SPECC1L: variants seen among roughly 807,000 people sequenced by gnomAD.
The protein encoded by SPECC1L is sperm antigen with calponin homology and coiled-coil domains 1 like, also known as cytospin-A.
In SPECC1L, 40 loss-of-function variants were observed where a neutral mutation model predicts 116.8. That is an observed-to-expected ratio of 0.34 (90% CI 0.27 to 0.45). SPECC1L has a LOEUF of 0.45. Among genes scored for constraint, SPECC1L ranks in the 20% least tolerant of loss-of-function variants. The pLI is 1.00. For missense variants in SPECC1L, 1,110 were observed against 1,373.6 expected (o/e 0.81, Z 3.03); for synonymous variants, 504 against 500.6 (o/e 1.01, Z -0.09).
chr22:24,285,686 C>T (rs1041693686), intron 2 of SPECC1L, among the ~76,000 whole-genome samples: 9 of 152,152 alleles, frequency 5.9e-5, no homozygotes, highest in South Asian at 4.2e-4. Context: ...CTCTGTCGCC[C>T]AGGCTGGAGT....
intron 6 of SPECC1L, among the ~76,000 whole-genome samples, chr22:24,326,749 A>G (rs2146495091): frequency 6.6e-6 from 1 of 152,222 alleles, no homozygotes; most frequent in African/African-American, 2.4e-5. Context: ...TAAATTTTGA[A>G]CCTTTTTATT....
In SPECC1L at chr22:24,322,426, T is replaced by C; in HGVS notation, c.1446T>C (p.Asp482=). 6.2e-7 allele frequency: 1 copy of C among 1,614,178 alleles called. No individual in the cohort carries two copies. Among genetic ancestry groups the C allele is most frequent in the East Asian group, 2.2e-5 (1 of 44,884 alleles). The change falls in exon 5 of 17, where the codon GAT becomes GAC. Residue 482 remains aspartate, a synonymous_variant. Transcript: ENST00000314328. ...EHHISYVIDE[D]VKSGRYMELE... ...ACATTTCTTATGTCATAGATGAAGATGTAAAAAGTGGGCGCTATATGGAAT... is the reference window on the plus strand; with the variant it reads ...ACATTTCTTATGTCATAGATGAAGACGTAAAAAGTGGGCGCTATATGGAAT...
At chr22:24,296,043 G>A (rs189895765) in intron 2 of SPECC1L, among the ~76,000 whole-genome samples, 229 of 152,264 alleles carry the variant, frequency 1.5e-3, no homozygotes, top group African/African-American at 5.3e-3. Context: ...GTGTTGTCAC[G>A]GTTTGTTTAT....
intron 14 of SPECC1L, among the ~76,000 whole-genome samples, chr22:24,399,037 G>A (rs2042420094): frequency 6.6e-6 from 1 of 152,198 alleles, no homozygotes; most frequent in Non-Finnish European, 1.5e-5. Context: ...CTCACAACAT[G>A]CTCAGAGTTC....
chr22:24,411,468 C>G, intron 14 of SPECC1L, 120 bp from the exon 15 acceptor site: 2 of 892,008 alleles, frequency 2.2e-6, no homozygotes, highest in Admixed American at 1.7e-5. Context: ...CCGCCCTGCC[C>G]TGGTTTTGGT....
intron 10 of SPECC1L, among the ~76,000 whole-genome samples, chr22:24,343,228 A>G (rs1284243886): frequency 6.6e-6 from 1 of 152,158 alleles, no homozygotes; most frequent in Non-Finnish European, 1.5e-5. Flanking sequence ...ATAATAGCCA[A>G]AATCCATCCA....
intron 9 of SPECC1L, among the ~76,000 whole-genome samples, chr22:24,336,138 A>G (rs551617019): frequency 6.6e-6 from 1 of 152,142 alleles, no homozygotes; most frequent in East Asian, 1.9e-4. Context: ...TAAGGATGAC[A>G]TAGATCTCAA....
At chr22:24,332,431 A>T (rs1335381646) in intron 8 of SPECC1L, among the ~76,000 whole-genome samples, 2 of 152,214 alleles carry the variant, frequency 1.3e-5, no homozygotes, top group Non-Finnish European at 2.9e-5. Flanking sequence ...CAGAATAGGA[A>T]AAGTTCACTT....
intron 10 of SPECC1L, among the ~76,000 whole-genome samples, chr22:24,342,876 G>A (rs1569427781): frequency 6.6e-6 from 1 of 151,896 alleles, no homozygotes; most frequent in Non-Finnish European, 1.5e-5. Context: ...GGGGCAGAGT[G>A]GGAAGTGTGT....
intron 2 of SPECC1L, among the ~76,000 whole-genome samples, chr22:24,283,451 T>C (rs1164268324): frequency 1.3e-5 from 2 of 152,258 alleles, no homozygotes; most frequent in African/African-American, 4.8e-5. Context: ...TGATATATTA[T>C]CCTTTTTTTC....
intron 2 of SPECC1L, among the ~76,000 whole-genome samples, chr22:24,299,731 A>G (rs537739651): frequency 6.6e-6 from 1 of 151,958 alleles, no homozygotes; most frequent in East Asian, 1.9e-4. Flanking sequence ...CTCTATTGAT[A>G]TGTAATTTAT....
chr22:24,371,733 C>G (rs117359126), intron 14 of SPECC1L, among the ~76,000 whole-genome samples: 1 of 151,710 alleles, frequency 6.6e-6, no homozygotes, highest in Non-Finnish European at 1.5e-5. Context: ...ATTGATTGAT[C>G]GATTGAGAGA....
intron 14 of SPECC1L, among the ~76,000 whole-genome samples, chr22:24,407,762 G>A (rs2042620329): frequency 6.6e-6 from 1 of 152,140 alleles, no homozygotes; most frequent in Admixed American, 6.5e-5. Flanking sequence ...TTTTGGACAA[G>A]GGGACCTTGC....
At chr22:24,356,480 A>T (rs1488822796) in intron 11 of SPECC1L, among the ~76,000 whole-genome samples, 1 of 152,026 alleles carries the variant, frequency 6.6e-6, no homozygotes, top group African/African-American at 2.4e-5. Context: ...TCTGATATTG[A>T]TGTACCTACT....
chr22:24,297,265 G>GA (rs1168339284), intron 2 of SPECC1L, among the ~76,000 whole-genome samples: 1 of 150,738 alleles, frequency 6.6e-6, no homozygotes, highest in African/African-American at 2.4e-5. Context: ...TATGTAGATA[G>GA]AAAAAAACTG....
intron 14 of SPECC1L, among the ~76,000 whole-genome samples, chr22:24,406,441 T>C (rs1357252543): frequency 6.6e-6 from 1 of 152,082 alleles, no homozygotes; most frequent in African/African-American, 2.4e-5. Context: ...TCCAGAGCAG[T>C]CTGGAAGGAG....
In SPECC1L at chr22:24,412,727, A is replaced by C; in HGVS notation, c.3264+20A>C. 1.9e-6 allele frequency: 3 copies of C among 1,612,918 alleles called. No homozygotes were observed. Among genetic ancestry groups the C allele is most frequent in the Non-Finnish European group, 2.5e-6 (3 of 1,179,106 alleles). On this transcript the variant is annotated intron_variant, in intron 16 of 16. Transcript: ENST00000314328. ...ACACTGGTGAGCCCTTGTCCCCCTG[A>C]GTCACTGGCAGGGCCCTCCTTCTGG...
At chr22:24,300,497 A>G (rs1465776856) in intron 2 of SPECC1L, among the ~76,000 whole-genome samples, 1 of 152,150 alleles carries the variant, frequency 6.6e-6, no homozygotes, top group African/African-American at 2.4e-5. Flanking sequence ...TATATACGCA[A>G]TAATGGGATT....
At chr22:24,339,044 A>G (rs998428481) in intron 10 of SPECC1L, among the ~76,000 whole-genome samples, 23 of 152,162 alleles carry the variant, frequency 1.5e-4, no homozygotes, top group Non-Finnish European at 2.8e-4. Flanking sequence ...TAGTTTTCAC[A>G]TTTCTCTGAG....
Sources: gnomAD v4.1 joint callset for allele counts (sites outside exome capture counted in the v4.1 genomes callset) on GRCh38, gnomAD v4.1.1 for gene constraint, MANE v1.5 for transcripts, NCBI Gene and HGNC (gene_info 2026-07-23, HGNC 2026-07-21) for gene names.